Variants in PCYT2 observed in about 807,000 individuals in gnomAD.
PCYT2 encodes the protein ethanolamine-phosphate cytidylyltransferase.
PCYT2 carries 33 observed loss-of-function variants against 50.0 expected under a neutral mutation model. The observed-to-expected ratio is 0.66, with a 90% CI of 0.50 to 0.88. The LOEUF is 0.88. Ranked by LOEUF, PCYT2 falls within the 40% of genes least tolerant of loss-of-function variation. The pLI is 0.00. For synonymous variants in PCYT2, 240 were observed against 203.7 expected (o/e 1.18, Z -1.52); for missense variants, 430 against 519.7 (o/e 0.83, Z 1.68).
In PCYT2 at chr17:81,908,890, AAGTCAC is replaced by A; in HGVS notation, c.320_325del (p.Cys107_Asp108del). On this transcript the variant is annotated inframe_deletion, in exon 3 of 13. Transcript: ENST00000538936. ...CCGCCACTCACTGCCGTGAACACAG[AAGTCAC>A]AGTTGTATTTGTCCAGGGTCTCTAG... 6.2e-7 allele frequency: 1 copy of A among 1,613,718 alleles called. No homozygotes were observed. Among genetic ancestry groups the A allele is most frequent in the Non-Finnish European group, 8.5e-7 (1 of 1,179,846 alleles).
chr17:81,911,294 C>A lies in PCYT2; in HGVS notation c.62G>T (p.Arg21Leu). 8.8e-7 allele frequency: 1 copy of A among 1,139,922 alleles called. No homozygotes were observed. The highest frequency in any genetic ancestry group is 2.1e-5 in the South Asian group (1 of 46,968). The allele number at this position is 1,139,922 out of a possible 1,614,324, so 70.6% of individuals were successfully genotyped here. A position where few individuals can be genotyped will look rare whatever the true frequency, so the allele number is the denominator to read the frequency against. ...GCCATCGCACCACACCCTCACGGCG[C>A]GCCTGCCCCCCGGGCCCGGCTGCTC... ...GAEQPGPGGR[R>L]AVRVWCDGCY... Residue 21 changes from arginine (R) to leucine (L), a missense_variant, in exon 1 of 13, where the codon CGC (arginine) becomes CTC (leucine). Physicochemically the swap from Arg to Leu is moderately radical, Grantham distance 102 (BLOSUM62 -2). Transcript: ENST00000538936.
chr17:81,910,172 C>T (rs796348479), intron 1 of PCYT2, among the ~76,000 whole-genome samples: 1 of 152,260 alleles, frequency 6.6e-6, no homozygotes, highest in African/African-American at 2.4e-5. Flanking sequence ...TGCCTTGCCA[C>T]CTGGCTCGAG....
intron 10 of PCYT2, 52 bp downstream of exon 10, chr17:81,905,618 G>A (rs2040218847): frequency 1.3e-6 from 2 of 1,566,784 alleles, no homozygotes; most frequent in South Asian, 1.1e-5. Context: ...CCCAGCCCAT[G>A]CAGGAACAGA....
Position 81,907,103 on chromosome 17 carries a change from T to G in PCYT2, c.538-205A>C. 2 of 1,154,964 alleles carry G rather than the reference T, an allele frequency of 1.7e-6. 1 individual carries two copies. Among genetic ancestry groups the G allele is most frequent in the South Asian group, 3.0e-5 (2 of 66,584 alleles). The allele number at this position is 1,154,964 out of a possible 1,614,324, so 71.5% of individuals were successfully genotyped here. On this transcript the variant is annotated intron_variant, in intron 6 of 12. Transcript: ENST00000538936. The stretch of plus-strand genomic sequence containing the variant: ...AGCAGGCACCGCAGCAGACACCACT[T>G]CAGCCCAGCAAGCGACCACCAGGAG...
At chr17:81,906,672 A>C in intron 7 of PCYT2, 88 bp downstream of exon 7, 2 of 1,588,954 alleles carry the variant, frequency 1.3e-6, no homozygotes, top group Non-Finnish European at 1.7e-6. Context: ...CAGCCAGCCC[A>C]GTCTGGGGGC....
intron 1 of PCYT2, among the ~76,000 whole-genome samples, chr17:81,909,810 G>A (rs1456554371): frequency 6.6e-6 from 1 of 152,200 alleles, no homozygotes; most frequent in Non-Finnish European, 1.5e-5. Flanking sequence ...TGGGACCCCT[G>A]TGCCAGATCT....
intron 4 of PCYT2, 52 bp downstream of exon 4, chr17:81,908,516 G>A: frequency 2.9e-6 from 4 of 1,398,826 alleles, no homozygotes; most frequent in Non-Finnish European, 4.1e-6. Context: ...CGAGCCAGGA[G>A]GGAGCCCCGT....
At chr17:81,910,300 C>T (rs1288183167) in intron 1 of PCYT2, among the ~76,000 whole-genome samples, 2 of 152,230 alleles carry the variant, frequency 1.3e-5, no homozygotes, top group African/African-American at 2.4e-5. Flanking sequence ...TTTACAGCAG[C>T]GGCCCATCCC....
rs1270862041 is a variant in PCYT2, at chr17:81,907,251, G to A, written c.537+303C>T. On this transcript the variant is annotated intron_variant, in intron 6 of 12. Transcript: ENST00000538936. Reference sequence around the variant, plus strand: ...AGTATGTCCCCGGCGGGTATCGGGTGAGGGGGCTACAATGGGAGAGAGGGC... The same window carrying A: ...AGTATGTCCCCGGCGGGTATCGGGTAAGGGGGCTACAATGGGAGAGAGGGC... 1 of 1,533,838 alleles carries A rather than the reference G, an allele frequency of 6.5e-7. No homozygotes were observed. The highest frequency in any genetic ancestry group is 2.4e-5 in the East Asian group (1 of 40,910).
At position 81,902,456 on chromosome 17, in the gene PCYT2, G is replaced by A. The variant is rs1283857510; in HGVS notation, c.*2377C>T. On this transcript the variant is annotated 3_prime_UTR_variant, in exon 13 of 13. Coordinates refer to ENST00000538936, the MANE Select transcript of PCYT2 (RefSeq NM_002861.5). The stretch of plus-strand genomic sequence containing the variant: ...TACGCGCGGCGCTCCCAGCCCTACA[G>A]AGGGGCGGAACCCCCGGGCGGGGCC... 4 of 1,385,486 alleles carry A rather than the reference G, an allele frequency of 2.9e-6. No individual in the cohort carries two copies. Among genetic ancestry groups the A allele is most frequent in the Non-Finnish European group, 2.8e-6 (3 of 1,079,258 alleles). 85.8% of individuals were successfully genotyped at this position (1,385,486 alleles called of 1,614,324 possible). A position where few individuals can be genotyped will look rare whatever the true frequency, so the allele number is the denominator to read the frequency against.
intron 7 of PCYT2, 70 bp from the exon 8 acceptor site, chr17:81,906,616 G>A (rs959308589): frequency 2.4e-5 from 37 of 1,574,194 alleles, no homozygotes; most frequent in Non-Finnish European, 3.2e-5. Context: ...TCATGCCCAA[G>A]GGCCTCCCCG....
rs1009626386 is a variant in PCYT2, at chr17:81,903,023, C to G, written c.*1810G>C. On this transcript the variant is annotated 3_prime_UTR_variant, in exon 13 of 13. Transcript: ENST00000538936. ...GGCGGCAGGGCAAGGTTGGCCTGGG[C>G]CGCCCAGAGGTCTTCAGACCCAGGG... is the stretch of plus-strand genomic sequence containing the variant. The G allele has an allele frequency of 2.3e-5, 11 of 474,028 alleles. No homozygotes were observed. The highest frequency in any genetic ancestry group is 3.0e-5 in the Non-Finnish European group (8 of 270,340). 29.4% of individuals were successfully genotyped at this position (474,028 alleles called of 1,614,324 possible).
At chr17:81,908,758 G>A (rs1247765245) in intron 3 of PCYT2, 118 bp downstream of exon 3, 39 of 1,333,458 alleles carry the variant, frequency 2.9e-5, no homozygotes, top group Non-Finnish European at 3.7e-5. Context: ...GTGGGGGCCC[G>A]GAAATGTCTC....
intron 1 of PCYT2, among the ~76,000 whole-genome samples, chr17:81,910,722 G>A (rs567906307): frequency 1.3e-5 from 2 of 152,266 alleles, no homozygotes; most frequent in Admixed American, 1.3e-4. Context: ...GTCAGAGGTA[G>A]CAAATTATCA....
intron 9 of PCYT2, 42 bp from the exon 10 acceptor site, chr17:81,905,777 C>T: frequency 6.3e-7 from 1 of 1,590,954 alleles, no homozygotes; most frequent in South Asian, 1.1e-5. Context: ...TCGGTCCCTG[C>T]TACTGGTAAG....
rs1406263188 is a variant in PCYT2 at position 81,902,631 on chromosome 17, C to G, written c.*2202G>C. On this transcript the variant is annotated 3_prime_UTR_variant, in exon 13 of 13. Coordinates refer to ENST00000538936, the MANE Select transcript of PCYT2 (RefSeq NM_002861.5). ...TGCCTGCCCCCCAGGCTGTGTGCGTCCAGGACGTCGCCCCAAACCTGCAGA... is the reference window on the plus strand; with the variant it reads ...TGCCTGCCCCCCAGGCTGTGTGCGTGCAGGACGTCGCCCCAAACCTGCAGA... 6.3e-7 allele frequency: 1 copy of G among 1,597,354 alleles called. No homozygotes were observed. The highest frequency in any genetic ancestry group is 1.4e-5 in the African/African-American group (1 of 73,914).
intron 10 of PCYT2, 79 bp from the exon 11 acceptor site, chr17:81,905,526 G>C (rs2040213538): frequency 2.0e-6 from 3 of 1,472,844 alleles, no homozygotes; most frequent in Non-Finnish European, 2.8e-6. Flanking sequence ...CAGGCCCCGG[G>C]GGTTGGGAGA....
At chr17:81,910,350 G>A (rs988809330) in intron 1 of PCYT2, among the ~76,000 whole-genome samples, 2 of 152,216 alleles carry the variant, frequency 1.3e-5, no homozygotes, top group Non-Finnish European at 2.9e-5. Context: ...CCAGGGAGAG[G>A]TGTGACCCTG....
Position 81,901,840 on chromosome 17 carries a change from G to A in PCYT2, c.*2993C>T, listed in dbSNP as rs892316142. 6.5e-6 allele frequency: 1 copy of A among 154,656 alleles called. No homozygotes were observed. The highest frequency in any genetic ancestry group is 1.4e-5 in the Non-Finnish European group (1 of 69,758). The allele number at this position is 154,656 out of a possible 1,614,324, so 9.6% of individuals were successfully genotyped here. On this transcript the variant is annotated 3_prime_UTR_variant, in exon 13 of 13. Transcript: ENST00000538936. ...CATGGACTCTGATGCCTGGAGCCAAGAATACCCCTTAGGGTGGTAGAAACC... is the reference window on the plus strand; with the variant it reads ...CATGGACTCTGATGCCTGGAGCCAAAAATACCCCTTAGGGTGGTAGAAACC...
Sources: allele counts gnomAD v4.1 joint callset (sites outside exome capture counted in the v4.1 genomes callset), GRCh38; gene constraint gnomAD v4.1.1; transcripts MANE v1.5; gene names NCBI Gene and HGNC (gene_info 2026-07-23, HGNC 2026-07-21).